ISM1: variants seen among roughly 807,000 people sequenced by gnomAD.
ISM1 encodes isthmin 1, also known as isthmin-1.
In ISM1, 25 loss-of-function variants were observed where a neutral mutation model predicts 46.3. The ratio of observed to expected loss-of-function variants is 0.54; its 90% CI spans 0.39 to 0.75. ISM1 has a LOEUF of 0.75. ISM1 is among the 30% of genes least tolerant of loss of function. The pLI, the probability that ISM1 is intolerant of heterozygous loss-of-function variation, is 0.00. For synonymous variants in ISM1, 255 were observed against 256.7 expected, an observed-to-expected ratio of 0.99 and a Z score of 0.06; for missense variants, 536 against 625.4, an observed-to-expected ratio of 0.86 and a Z score of 1.52.
At chr20:13,279,987 G>A in intron 3 of ISM1, 89 bp downstream of exon 3, 2 of 1,300,016 alleles carry the variant, frequency 1.5e-6, no homozygotes, top group Non-Finnish European at 2.1e-6. Flanking sequence ...ACCCTGCTTA[G>A]AGCATGTGGC....
chr20:13,232,480 C>T (rs1041848286), intron 1 of ISM1, among the ~76,000 whole-genome samples: 1 of 152,168 alleles, frequency 6.6e-6, no homozygotes, highest in Non-Finnish European at 1.5e-5. Flanking sequence ...TAATTTGTTC[C>T]TTTTTATTAC....
At chr20:13,232,235 C>G (rs2039597229) in intron 1 of ISM1, among the ~76,000 whole-genome samples, 1 of 152,128 alleles carries the variant, frequency 6.6e-6, no homozygotes, top group Admixed American at 6.5e-5. Context: ...AATACTGACA[C>G]CTGTAAAACC....
chr20:13,315,465 A>T, the ISM1 span, among the ~76,000 whole-genome samples: 2 of 152,048 alleles, frequency 1.3e-5, no homozygotes, highest in Non-Finnish European at 2.9e-5. Context: ...TGATAAAAGG[A>T]TCAAGTCTCC....
At chr20:13,305,432 CAA>C (rs549734449), downstream of ISM1, among the ~76,000 whole-genome samples, 12 of 152,080 alleles carry the variant, frequency 7.9e-5, no homozygotes, top group Non-Finnish European at 1.6e-4. Context: ...TCCCGACACA[CAA>C]AGAGTTATGA....
At position 13,298,932 on chromosome 20, in the gene ISM1, C is replaced by T. The variant is rs371226530; in HGVS notation, c.878-10C>T. 6 of 1,611,584 alleles carry T rather than the reference C, an allele frequency of 3.7e-6. No homozygotes were observed. Among genetic ancestry groups the T allele is most frequent in the Non-Finnish European group, 5.1e-6 (6 of 1,178,596 alleles). On this transcript the variant is annotated splice_polypyrimidine_tract_variant and intron_variant, in intron 5 of 5. Transcript: ENST00000262487. ...ACGCGGTGAGAGGGTTTCTCTTTGG[C>T]CTTTTCCAGACACAGACAGCTGTGA...
chr20:13,256,544 T>G (rs1339982742), intron 1 of ISM1, among the ~76,000 whole-genome samples: 1 of 152,118 alleles, frequency 6.6e-6, no homozygotes, highest in African/African-American at 2.4e-5. Context: ...TAGGGGATCA[T>G]GGGATCATGG....
chr20:13,269,142 A>G (rs182709990), intron 1 of ISM1, among the ~76,000 whole-genome samples: 23 of 152,254 alleles, frequency 1.5e-4, no homozygotes, highest in Admixed American at 5.9e-4. Context: ...TACACTCCCA[A>G]ACCCCAAAAC....
At chr20:13,225,803 C>T (rs573964535) in intron 1 of ISM1, among the ~76,000 whole-genome samples, 1 of 152,100 alleles carries the variant, frequency 6.6e-6, no homozygotes, top group East Asian at 1.9e-4. Context: ...ATAAGTTTGT[C>T]TCATATTAAT....
intron 2 of ISM1, among the ~76,000 whole-genome samples, chr20:13,278,247 G>A (rs934949151): frequency 8.5e-5 from 13 of 152,230 alleles, no homozygotes; most frequent in Admixed American, 3.9e-4. Flanking sequence ...TTCCAGCCCC[G>A]TGACAGACTT....
intron 3 of ISM1, among the ~76,000 whole-genome samples, chr20:13,283,977 G>C (rs770241131): frequency 1.3e-5 from 2 of 152,202 alleles, no homozygotes; most frequent in African/African-American, 2.4e-5. Context: ...AACAGGATAC[G>C]GTGGGAGCAG....
the ISM1 span, among the ~76,000 whole-genome samples, chr20:13,313,318 T>G: frequency 6.6e-6 from 1 of 152,252 alleles, no homozygotes; most frequent in Non-Finnish European, 1.5e-5. Context: ...TAAAGGTTTC[T>G]CTGCAAATAG....
intron 3 of ISM1, among the ~76,000 whole-genome samples, chr20:13,285,788 G>A (rs1186983781): frequency 6.6e-6 from 1 of 152,208 alleles, no homozygotes; most frequent in African/African-American, 2.4e-5. Context: ...ACTATAACAA[G>A]AAAGTGCCTC....
intron 1 of ISM1, among the ~76,000 whole-genome samples, chr20:13,243,811 C>G (rs2039760627): frequency 6.6e-6 from 1 of 152,120 alleles, no homozygotes; most frequent in African/African-American, 2.4e-5. Flanking sequence ...TTGTTACAAC[C>G]CATTTGATAT....
intron 1 of ISM1, among the ~76,000 whole-genome samples, chr20:13,233,330 T>C (rs1290674428): frequency 6.6e-6 from 1 of 151,942 alleles, no homozygotes. Flanking sequence ...GCGCGGTGGC[T>C]CATGCCTGTA....
chr20:13,256,019 C>G (rs1432459575), intron 1 of ISM1, among the ~76,000 whole-genome samples: 2 of 151,842 alleles, frequency 1.3e-5, no homozygotes, highest in African/African-American at 4.8e-5. Context: ...GCAGTGATAC[C>G]CAAGCAGCCA....
chr20:13,240,281 T>C (rs1413550205), intron 1 of ISM1, among the ~76,000 whole-genome samples: 2 of 152,224 alleles, frequency 1.3e-5, no homozygotes, highest in Admixed American at 6.5e-5. Flanking sequence ...GGAATTATTA[T>C]AGATTGTGAT....
At chr20:13,267,752 A>G (rs1384749718) in intron 1 of ISM1, among the ~76,000 whole-genome samples, 1 of 152,234 alleles carries the variant, frequency 6.6e-6, no homozygotes, top group Non-Finnish European at 1.5e-5. Context: ...TTCTTCTAAA[A>G]TGTAAGTGTT....
Position 13,299,367 on chromosome 20 carries a change from G to A in ISM1, c.1303G>A (p.Glu435Lys), listed in dbSNP as rs530028092. ...ICKGDWSRYN[E>K]ARPPNNGQKC... Reference sequence around the variant, plus strand: ...CAAGGGTGACTGGAGCAGGTATAACGAGGCCCGGCCTCCCAACAACGGACA... The same window carrying A: ...CAAGGGTGACTGGAGCAGGTATAACAAGGCCCGGCCTCCCAACAACGGACA... The change falls in exon 6 of 6, where the codon GAG (glutamate) becomes AAG (lysine). Residue 435 changes from glutamate to lysine, a missense_variant. Transcript: ENST00000262487. This position sits in a 1 kb window ranked among gnomAD's most constrained non-coding sequence, Gnocchi z 5.8. 10 of 1,613,794 alleles carry A rather than the reference G, an allele frequency of 6.2e-6. No individual in the cohort carries two copies. In the South Asian group the frequency reaches 6.6e-5, roughly 11 times the overall value.
intron 1 of ISM1, among the ~76,000 whole-genome samples, chr20:13,264,889 G>A (rs2040026163): frequency 6.6e-6 from 1 of 152,160 alleles, no homozygotes; most frequent in South Asian, 2.1e-4. Context: ...ATGAGAATGA[G>A]GAAGGAGGGA....
Sources: allele counts gnomAD v4.1 joint callset (sites outside exome capture counted in the v4.1 genomes callset), GRCh38; gene constraint gnomAD v4.1.1; non-coding constraint Gnocchi (gnomAD v3.1); transcripts MANE v1.5; gene names NCBI Gene and HGNC (gene_info 2026-07-23, HGNC 2026-07-21).